DNAJB1: variants seen among roughly 807,000 people sequenced by gnomAD.
DNAJB1 encodes the protein dnaJ homolog subfamily B member 1.
DNAJB1 carries 14 observed loss-of-function variants against 24.0 expected under a neutral mutation model. The observed-to-expected ratio is 0.58, with a 90% CI of 0.39 to 0.91. DNAJB1 has a LOEUF of 0.91. Ranked by LOEUF, DNAJB1 falls within the 40% of genes least tolerant of loss-of-function variation. The pLI, the probability that DNAJB1 is intolerant of heterozygous loss-of-function variation, is 0.00. For missense variants in DNAJB1, 517 were observed against 458.1 expected (o/e 1.13, Z -1.17); for synonymous variants, 262 against 174.4 (o/e 1.50, Z -3.96).
At chr19:14,531,810 A>G (rs1241767714), upstream of DNAJB1, 1 of 152,098 alleles carries the variant, frequency 6.6e-6, no homozygotes, top group Non-Finnish European at 1.5e-5. Context: ...CTGTCATTTA[A>G]GTTTTCATTC....
chr19:14,553,998 G>A (rs1383763949), upstream of DNAJB1, among the ~76,000 whole-genome samples: 1 of 152,206 alleles, frequency 6.6e-6, no homozygotes, highest in Non-Finnish European at 1.5e-5. Flanking sequence ...GTCCCCTGCG[G>A]GGTCCGAGAG....
intron 1 of DNAJB1, among the ~76,000 whole-genome samples, chr19:14,556,846 C>T (rs928111322): frequency 2.6e-5 from 4 of 152,274 alleles, no homozygotes; most frequent in African/African-American, 9.6e-5. Context: ...TGGGGAGCGT[C>T]GCAGCCTCCG....
In DNAJB1 at chr19:14,543,319, T is replaced by C. The variant is rs550973060; in HGVS notation, c.-214+6889A>G. On this transcript the variant is annotated intron_variant, in intron 1 of 3. Transcript: ENST00000676982. Reference sequence around the variant, plus strand: ...GGGTGGGGGTGTGTGTGTGTGCAGATACTGGAATTCCTGAGGAGACATGTA... The same window carrying C: ...GGGTGGGGGTGTGTGTGTGTGCAGACACTGGAATTCCTGAGGAGACATGTA... 9.3e-4 allele frequency among the ~76,000 whole-genome samples: 134 copies of C among 144,512 alleles called. 7 individuals are homozygous for C. The South Asian group carries it at 0.028, about 30-fold the overall frequency. The allele number at this position is 144,512 out of a possible 152,430, so 94.8% of individuals were successfully genotyped here.
At chr19:14,539,573 G>T (rs1326045594) in intron 1 of DNAJB1, among the ~76,000 whole-genome samples, 1 of 151,824 alleles carries the variant, frequency 6.6e-6, no homozygotes, top group East Asian at 1.9e-4. Flanking sequence ...GTGTGCCATG[G>T]CTCAGAACCT....
At chr19:14,518,451 C>T (rs2072318730), upstream of DNAJB1, 5 of 980,712 alleles carry the variant, frequency 5.1e-6, no homozygotes, top group Non-Finnish European at 6.8e-6. Flanking sequence ...CTTCCAGAGC[C>T]CGCCAGCCCC....
At chr19:14,547,257 C>T (rs1028284697) in intron 1 of DNAJB1, among the ~76,000 whole-genome samples, 1 of 151,906 alleles carries the variant, frequency 6.6e-6, no homozygotes, top group African/African-American at 2.4e-5. Context: ...TTTTTAATAC[C>T]GACAGTAGGC....
At chr19:14,548,679 G>A (rs1168825928) in intron 1 of DNAJB1, among the ~76,000 whole-genome samples, 1 of 152,078 alleles carries the variant, frequency 6.6e-6, no homozygotes, top group Non-Finnish European at 1.5e-5. Flanking sequence ...CCAGGTTCAA[G>A]CAATTCTCCT....
upstream of DNAJB1, among the ~76,000 whole-genome samples, chr19:14,554,917 T>A (rs1322514042): frequency 6.6e-6 from 1 of 151,916 alleles, no homozygotes; most frequent in Non-Finnish European, 1.5e-5. Flanking sequence ...TAGCTGGGAC[T>A]ACAGGCGTGT....
upstream of DNAJB1, among the ~76,000 whole-genome samples, chr19:14,534,539 G>A (rs1568395260): frequency 2.4e-5 from 3 of 127,338 alleles, no homozygotes; most frequent in East Asian, 2.5e-4. Context: ...CGGTTCAAGC[G>A]ATTTTCCTGC....
At chr19:14,535,764 A>AAAAAG (rs2072877291) in intron 1 of DNAJB1, among the ~76,000 whole-genome samples, 1 of 144,336 alleles carries the variant, frequency 6.9e-6, no homozygotes, top group Non-Finnish European at 1.5e-5. Context: ...CTCAAAAAAA[A>AAAAAG]AAAAAAAAAA....
chr19:14,556,518 C>T (rs1030417216), intron 1 of DNAJB1, among the ~76,000 whole-genome samples: 3 of 152,282 alleles, frequency 2.0e-5, no homozygotes, highest in African/African-American at 7.2e-5. Flanking sequence ...GCCCCCACCC[C>T]CTGCTTGCCC....
upstream of DNAJB1, chr19:14,532,168 A>G (rs1458324502): frequency 6.6e-6 from 1 of 152,206 alleles, no homozygotes; most frequent in Non-Finnish European, 1.5e-5. Flanking sequence ...CTTTTGTTCC[A>G]GGAAGCTGGG....
intron 1 of DNAJB1, among the ~76,000 whole-genome samples, chr19:14,541,502 C>T (rs2073096918): frequency 6.6e-6 from 1 of 152,248 alleles, no homozygotes; most frequent in African/African-American, 2.4e-5. Flanking sequence ...ATCACTTATT[C>T]ATTAGTTCAT....
intron 1 of DNAJB1, among the ~76,000 whole-genome samples, chr19:14,541,786 T>A (rs372692525): frequency 4.0e-5 from 6 of 151,214 alleles, no homozygotes; most frequent in Non-Finnish European, 7.4e-5. Context: ...TCTTTTCATT[T>A]TTTTTTTTTT....
At chr19:14,557,516 A>T (rs1599483310) in intron 1 of DNAJB1, among the ~76,000 whole-genome samples, 1 of 148,854 alleles carries the variant, frequency 6.7e-6, no homozygotes, top group Non-Finnish European at 1.5e-5. Context: ...CAGTGGTGCG[A>T]TATCAGCTCA....
upstream of DNAJB1, chr19:14,529,726 A>G (rs765142855): frequency 4.3e-5 from 69 of 1,613,916 alleles, 1 homozygote; most frequent in East Asian, 1.3e-3. Flanking sequence ...GAAGCGAGAA[A>G]CAGGGGCCGT....
chr19:14,520,623 C>T (rs987188385), upstream of DNAJB1, among the ~76,000 whole-genome samples: 1 of 152,114 alleles, frequency 6.6e-6, no homozygotes, highest in Non-Finnish European at 1.5e-5. Flanking sequence ...GGCTGAAATT[C>T]CCTAGACATC....
intron 1 of DNAJB1, among the ~76,000 whole-genome samples, chr19:14,543,628 C>T (rs982614726): frequency 2.0e-5 from 3 of 148,848 alleles, no homozygotes; most frequent in Admixed American, 6.7e-5. Context: ...TTAGTAGAGA[C>T]GGGGTTTCAC....
chr19:14,518,486 C>T, upstream of DNAJB1: 1 of 627,730 alleles, frequency 1.6e-6, no homozygotes, highest in Non-Finnish European at 2.3e-6. Context: ...GCCCCGCCCG[C>T]CCCCGCGGCG....
Sources: gnomAD v4.1 joint callset for allele counts (sites outside exome capture counted in the v4.1 genomes callset) on GRCh38, gnomAD v4.1.1 for gene constraint, MANE v1.5 for transcripts, NCBI Gene and HGNC (gene_info 2026-07-23, HGNC 2026-07-21) for gene names.